Variants in PBX3 observed in about 807,000 individuals in gnomAD.
PBX3 encodes pre-B-cell leukemia transcription factor 3.
In PBX3, 14 loss-of-function variants were observed where a neutral mutation model predicts 48.5. That is an observed-to-expected ratio of 0.29 (90% confidence interval 0.19 to 0.45). The LOEUF is 0.45. Among genes scored for constraint, PBX3 ranks in the 20% least tolerant of loss-of-function variants. PBX3 has a pLI of 1.00. For synonymous variants in PBX3, 210 were observed against 200.3 expected, an observed-to-expected ratio of 1.05 and a Z score of -0.41; for missense variants, 386 against 546.7, an observed-to-expected ratio of 0.71 and a Z score of 2.93.
intron 2 of PBX3, among the ~76,000 whole-genome samples, chr9:125,846,007 A>G (rs1002468109): frequency 6.6e-6 from 1 of 152,124 alleles, no homozygotes; most frequent in African/African-American, 2.4e-5. Flanking sequence ...GTTTTTAAAA[A>G]ATATATTCTG....
intron 5 of PBX3, among the ~76,000 whole-genome samples, chr9:125,936,633 G>A (rs1841842196): frequency 6.6e-6 from 1 of 152,116 alleles, no homozygotes; most frequent in African/African-American, 2.4e-5. Flanking sequence ...AGGGAATAGG[G>A]CCTGGGTGTA....
intron 2 of PBX3, among the ~76,000 whole-genome samples, chr9:125,792,073 CGCA>C (rs1564657259): frequency 8.4e-6 from 1 of 119,188 alleles, no homozygotes; most frequent in Non-Finnish European, 1.8e-5. Flanking sequence ...CACGCACGCA[CGCA>C]TATAAATAAA....
At chr9:125,818,115 C>T (rs1261237593) in intron 2 of PBX3, among the ~76,000 whole-genome samples, 2 of 151,742 alleles carry the variant, frequency 1.3e-5, no homozygotes, top group Non-Finnish European at 1.5e-5. Context: ...AGAAGAATAG[C>T]TAGAACCCGG....
At chr9:125,854,001 C>CAT (rs1348502417) in intron 2 of PBX3, among the ~76,000 whole-genome samples, 3 of 151,142 alleles carry the variant, frequency 2.0e-5, no homozygotes, top group Non-Finnish European at 1.5e-5. Flanking sequence ...CACACACACA[C>CAT]ATACATATAT....
intron 2 of PBX3, among the ~76,000 whole-genome samples, chr9:125,770,432 T>G (rs1489273993): frequency 6.6e-6 from 1 of 152,206 alleles, no homozygotes; most frequent in Non-Finnish European, 1.5e-5. Flanking sequence ...AAAATATATT[T>G]ATTTTTGCTC....
intron 5 of PBX3, among the ~76,000 whole-genome samples, chr9:125,955,662 G>A (rs1223875874): frequency 6.6e-6 from 1 of 152,142 alleles, no homozygotes; most frequent in African/African-American, 2.4e-5. Flanking sequence ...GGATTGAAAC[G>A]GAGGTCCCGT....
intron 3 of PBX3, among the ~76,000 whole-genome samples, chr9:125,919,907 A>G (rs1564173600): frequency 1.3e-5 from 2 of 152,234 alleles, no homozygotes; most frequent in Non-Finnish European, 2.9e-5. Flanking sequence ...TATGTTTTAG[A>G]GATGGTATTG....
chr9:125,895,650 A>G (rs1840752385), intron 2 of PBX3, among the ~76,000 whole-genome samples: 1 of 152,098 alleles, frequency 6.6e-6, no homozygotes, highest in African/African-American at 2.4e-5. Flanking sequence ...TGATAGATAT[A>G]ATACTTTTTA....
At chr9:125,757,773 G>A (rs1038611568) in intron 2 of PBX3, among the ~76,000 whole-genome samples, 1 of 152,142 alleles carries the variant, frequency 6.6e-6, no homozygotes, top group Non-Finnish European at 1.5e-5. Flanking sequence ...TTGGGTTTAT[G>A]GAGCTTTATG....
chr9:125,927,462 A>G (rs982594657), intron 3 of PBX3, among the ~76,000 whole-genome samples: 1 of 152,248 alleles, frequency 6.6e-6, no homozygotes, highest in Non-Finnish European at 1.5e-5. Flanking sequence ...ATGAGCAGTT[A>G]GAAAAACCAT....
At chr9:125,891,292 T>C (rs1369005904) in intron 2 of PBX3, among the ~76,000 whole-genome samples, 1 of 152,218 alleles carries the variant, frequency 6.6e-6, no homozygotes, top group African/African-American at 2.4e-5. Context: ...AATTTATTAT[T>C]ATAGATAACC....
intron 2 of PBX3, among the ~76,000 whole-genome samples, chr9:125,802,341 T>C (rs1837978535): frequency 6.8e-6 from 1 of 146,414 alleles, no homozygotes; most frequent in Admixed American, 7.0e-5. Flanking sequence ...TAGCTTCTAC[T>C]TGTGAGAACA....
intron 3 of PBX3, 23 bp from the exon 4 acceptor site, chr9:125,929,632 G>A (rs749639722): frequency 6.4e-7 from 1 of 1,562,196 alleles, no homozygotes; most frequent in South Asian, 1.2e-5. Flanking sequence ...TTCCAAAGGA[G>A]TGATTTTTTT....
chr9:125,954,289 G>A (rs1224799560), intron 5 of PBX3, among the ~76,000 whole-genome samples: 2 of 152,166 alleles, frequency 1.3e-5, no homozygotes, highest in Admixed American at 6.5e-5. Flanking sequence ...ATAAGTATTT[G>A]TATTGCTTTG....
intron 2 of PBX3, among the ~76,000 whole-genome samples, chr9:125,836,798 CA>C (rs1421350045): frequency 6.6e-6 from 1 of 152,120 alleles, no homozygotes; most frequent in Non-Finnish European, 1.5e-5. Flanking sequence ...GTATCCATAA[CA>C]TTTTTTTAAG....
intron 2 of PBX3, among the ~76,000 whole-genome samples, chr9:125,779,651 G>C (rs1283964377): frequency 2.3e-5 from 3 of 130,790 alleles, no homozygotes; most frequent in Non-Finnish European, 4.7e-5. Flanking sequence ...AGTCTCCCAT[G>C]TCTACTTCTT....
chr9:125,775,278 T>G (rs1837042600), intron 2 of PBX3, among the ~76,000 whole-genome samples: 1 of 152,274 alleles, frequency 6.6e-6, no homozygotes, highest in Non-Finnish European at 1.5e-5. Context: ...CTCTAAAGAA[T>G]GAATAACGAT....
intron 2 of PBX3, among the ~76,000 whole-genome samples, chr9:125,883,929 G>A (rs1840439247): frequency 6.6e-6 from 1 of 152,168 alleles, no homozygotes; most frequent in Non-Finnish European, 1.5e-5. Flanking sequence ...TTGCTTGAGG[G>A]CTGAGTGATA....
In PBX3 at chr9:125,764,132, G is replaced by A. The variant is rs537355224; in HGVS notation, c.274+15509G>A. Among the ~76,000 whole-genome samples the A allele has an allele frequency of 5.9e-5, 9 of 152,286 alleles. No individual in the cohort carries two copies. In the South Asian group the frequency reaches 1.9e-3, roughly 32 times the overall value. On this transcript the variant is annotated intron_variant, in intron 2 of 8. Coordinates refer to ENST00000373489, the MANE Select transcript of PBX3 (RefSeq NM_006195.6). ...TTTCTAAAGACTGCAAGGACAGGGC[G>A]GGGATAAGAGTGTTGCAGGGGCTTT...
Sources: allele counts gnomAD v4.1 joint callset (sites outside exome capture counted in the v4.1 genomes callset), GRCh38; gene constraint gnomAD v4.1.1; transcripts MANE v1.5; gene names NCBI Gene and HGNC (gene_info 2026-07-23, HGNC 2026-07-21).